COL13A1: variants seen among roughly 807,000 people sequenced by gnomAD.
The protein encoded by COL13A1 is collagen type XIII alpha 1 chain.
In COL13A1, 89 loss-of-function variants were observed where a neutral mutation model predicts 130.9. The observed-to-expected ratio is 0.68, with a 90% confidence interval of 0.57 to 0.81. COL13A1 has a LOEUF of 0.81. Among genes scored for constraint, COL13A1 ranks in the 30% least tolerant of loss-of-function variants. The probability of loss-of-function intolerance (pLI) is 0.00; values close to 1 mark genes in which losing one functional copy is unlikely to be tolerated. For synonymous variants in COL13A1, 402 were observed against 341.6 expected, an observed-to-expected ratio of 1.18 and a Z score of -1.95; for missense variants, 879 against 934.6, an observed-to-expected ratio of 0.94 and a Z score of 0.78.
intron 10 of COL13A1, among the ~76,000 whole-genome samples, chr10:69,889,972 T>A (rs1357143832): frequency 6.6e-6 from 1 of 151,996 alleles, no homozygotes; most frequent in Non-Finnish European, 1.5e-5. Flanking sequence ...CCTTCCCCTC[T>A]CCCTTCCTGG....
intron 1 of COL13A1, among the ~76,000 whole-genome samples, chr10:69,818,557 T>C (rs540823419): frequency 2.0e-5 from 3 of 152,150 alleles, no homozygotes; most frequent in Non-Finnish European, 4.4e-5. Flanking sequence ...AGATGAGAAG[T>C]CCCTTAATCT....
chr10:69,802,355 C>G lies in COL13A1; in HGVS notation c.-69C>G, dbSNP rs1340708775. 4 of 1,380,194 alleles carry G rather than the reference C, an allele frequency of 2.9e-6. No homozygotes were observed. The highest frequency in any genetic ancestry group is 3.7e-6 in the Non-Finnish European group (4 of 1,069,550). The allele number at this position is 1,380,194 out of a possible 1,614,324, so 85.5% of individuals were successfully genotyped here. On this transcript the variant is annotated 5_prime_UTR_variant, in exon 1 of 41. Transcript: ENST00000645393. Reference sequence around the variant, plus strand: ...CCCCTGCCCCGCAGTTTGGATAGAGCCTTTTGGCAGCGGCTGTCGCCTTTA... The same window carrying G: ...CCCCTGCCCCGCAGTTTGGATAGAGGCTTTTGGCAGCGGCTGTCGCCTTTA...
At chr10:69,914,119 A>T (rs2135440297) in intron 17 of COL13A1, among the ~76,000 whole-genome samples, 1 of 152,262 alleles carries the variant, frequency 6.6e-6, no homozygotes, top group South Asian at 2.1e-4. Flanking sequence ...TTTGCTCTGC[A>T]CAGTTTCTTC....
intron 2 of COL13A1, among the ~76,000 whole-genome samples, chr10:69,830,953 A>G (rs1848681099): frequency 6.6e-6 from 1 of 152,134 alleles, no homozygotes; most frequent in East Asian, 1.9e-4. Context: ...CTCCATCTTT[A>G]TGGATTTAGC....
intron 2 of COL13A1, among the ~76,000 whole-genome samples, chr10:69,828,200 A>G (rs1472061712): frequency 6.6e-6 from 1 of 152,072 alleles, no homozygotes; most frequent in African/African-American, 2.4e-5. Flanking sequence ...GTTCTCGTCA[A>G]TATTCAGACT....
At chr10:69,917,929 C>T (rs993256180) in intron 18 of COL13A1, among the ~76,000 whole-genome samples, 1 of 152,042 alleles carries the variant, frequency 6.6e-6, no homozygotes, top group African/African-American at 2.4e-5. Flanking sequence ...CCTCCTCCTC[C>T]TCCTTTCATA....
chr10:69,918,868 C>T (rs2064260425), intron 19 of COL13A1, among the ~76,000 whole-genome samples, 194 bp from the exon 20 acceptor site: 1 of 152,206 alleles, frequency 6.6e-6, no homozygotes, highest in South Asian at 2.1e-4. Flanking sequence ...AGAATAGGAC[C>T]CTCTAAGGGT....
At chr10:69,925,062 A>C (rs1281508010) in intron 25 of COL13A1, 55 bp downstream of exon 25, 2 of 1,462,070 alleles carry the variant, frequency 1.4e-6, no homozygotes, top group Non-Finnish European at 9.1e-7. Context: ...AAATCAAAAA[A>C]GCATCTGAGA....
chr10:69,903,098 T>C (rs2062371791), intron 15 of COL13A1, among the ~76,000 whole-genome samples: 1 of 152,210 alleles, frequency 6.6e-6, no homozygotes, highest in African/African-American at 2.4e-5. Context: ...GCCAATGGCC[T>C]GCCTGCCCCG....
At chr10:69,927,386 A>G (rs2065510873) in intron 27 of COL13A1, among the ~76,000 whole-genome samples, 1 of 152,164 alleles carries the variant, frequency 6.6e-6, no homozygotes, top group Non-Finnish European at 1.5e-5. Flanking sequence ...GTGACAATAC[A>G]AATGCTGGAT....
At chr10:69,901,394 A>T (rs1468067796) in intron 14 of COL13A1, among the ~76,000 whole-genome samples, 2 of 152,174 alleles carry the variant, frequency 1.3e-5, no homozygotes, top group Non-Finnish European at 2.9e-5. Context: ...TACATTTCTC[A>T]TTCCCAGGTT....
chr10:69,950,552 A>C (rs1348341754), intron 38 of COL13A1, among the ~76,000 whole-genome samples: 1 of 152,202 alleles, frequency 6.6e-6, no homozygotes, highest in Admixed American at 6.5e-5. Context: ...ATGAGGGGCC[A>C]CACTCCTGAG....
intron 26 of COL13A1, among the ~76,000 whole-genome samples, chr10:69,926,378 G>A (rs140079940): frequency 1.3e-5 from 2 of 152,196 alleles, no homozygotes; most frequent in African/African-American, 2.4e-5. Flanking sequence ...TCTTTGTGGT[G>A]GGGGGAGAGT....
At position 69,952,887 on chromosome 10, in the gene COL13A1, G is replaced by A. The variant is rs1564501782; in HGVS notation, c.2064G>A (p.Glu688=). Reference sequence around the variant, plus strand: ...GACTAAACCATTATTTACAGGGGGAGAGGGGGAAGAAAGGCTCTAGAGGGC... The same window carrying A: ...GACTAAACCATTATTTACAGGGGGAAAGGGGGAAGAAAGGCTCTAGAGGGC... ...GPPGDKGNRG[E]RGKKGSRGPK... The change falls in exon 39 of 41, where the codon GAG becomes GAA. Residue 688 remains glutamate (E), a synonymous_variant. Coordinates refer to ENST00000645393, the MANE Select transcript of COL13A1 (RefSeq NM_001368882.1). 1 of 1,550,868 alleles carries A rather than the reference G, an allele frequency of 6.4e-7. No individual in the cohort carries two copies. Among genetic ancestry groups the A allele is most frequent in the Admixed American group, 2.2e-5 (1 of 44,746 alleles).
chr10:69,875,009 C>A, intron 4 of COL13A1, 119 bp from the exon 5 acceptor site: 1 of 1,201,134 alleles, frequency 8.3e-7, no homozygotes, highest in Non-Finnish European at 1.2e-6. Context: ...GGGATGTCGT[C>A]CCCGCTGCAA....
At chr10:69,940,668 A>G (rs1312091681) in intron 34 of COL13A1, among the ~76,000 whole-genome samples, 2 of 152,026 alleles carry the variant, frequency 1.3e-5, no homozygotes, top group Non-Finnish European at 2.9e-5. Flanking sequence ...CATAACACTG[A>G]AGGGAGAGGG....
rs368429260 is a variant in COL13A1 at position 69,925,766 on chromosome 10, G to A, written c.1330-38G>A. 135 of 1,535,198 alleles carry A rather than the reference G, an allele frequency of 8.8e-5. 1 individual carries two copies. The African/African-American group carries it at 1.5e-3, about 17-fold the overall frequency. On this transcript the variant is annotated intron_variant, in intron 25 of 40. Coordinates refer to ENST00000645393, the MANE Select transcript of COL13A1 (RefSeq NM_001368882.1). ...CCACAGTTGCCCTCCCGGCCCTCCC[G>A]GTCCAGGCCGTGGGTTGAGATCTCA...
At chr10:69,901,057 A>C (rs1278360759) in intron 14 of COL13A1, among the ~76,000 whole-genome samples, 1 of 152,236 alleles carries the variant, frequency 6.6e-6, no homozygotes, top group Non-Finnish European at 1.5e-5. Context: ...CAAGCAGCTG[A>C]ATCAGATTTG....
intron 8 of COL13A1, 103 bp downstream of exon 8, chr10:69,887,594 A>T: frequency 7.8e-7 from 1 of 1,274,238 alleles, no homozygotes; most frequent in Non-Finnish European, 1.1e-6. Flanking sequence ...TTTCTCTCCC[A>T]AACCCTGGTC....
Sources: gnomAD v4.1 joint callset for allele counts (sites outside exome capture counted in the v4.1 genomes callset) on GRCh38, gnomAD v4.1.1 for gene constraint, MANE v1.5 for transcripts, NCBI Gene and HGNC (gene_info 2026-07-23, HGNC 2026-07-21) for gene names.